The following SMR3A variants were observed in gnomAD, a reference collection of about 807,000 sequenced individuals.
The protein encoded by SMR3A is submaxillary gland androgen regulated protein 3A, also known as submaxillary gland androgen-regulated protein 3A.
For missense variants in SMR3A, 188 were observed against 163.0 expected, an observed-to-expected ratio of 1.15 and a Z score of -0.84; for synonymous variants, 48 against 57.4, an observed-to-expected ratio of 0.84 and a Z score of 0.74.
chr4:70,365,042 C>T (rs934383118), intron 2 of SMR3A, among the ~76,000 whole-genome samples: 6 of 151,952 alleles, frequency 3.9e-5, no homozygotes, highest in Non-Finnish European at 7.4e-5. Flanking sequence ...GAGTTCTTGC[C>T]GTCAGTAGAG....
At chr4:70,365,864 T>A (rs1311476100) in intron 2 of SMR3A, among the ~76,000 whole-genome samples, 1 of 152,054 alleles carries the variant, frequency 6.6e-6, no homozygotes, top group Non-Finnish European at 1.5e-5. Context: ...AAAAGACGTG[T>A]CTTTCCCATG....
At position 70,366,841 on chromosome 4, in the gene SMR3A, T is replaced by C. The variant is rs371160978; in HGVS notation, c.252T>C (p.Tyr84=). The change falls in exon 3 of 3, where the codon TAT becomes TAC. Residue 84 remains tyrosine (Y), a synonymous_variant. Transcript: ENST00000226460. ...GRIPPSPPPP[Y]GPGRIQSHSL... ...TCCCACCATCCCCTCCTCCACCCTA[T>C]GGTCCAGGGAGAATTCAATCACACT... 3 of 1,613,576 alleles carry C rather than the reference T, an allele frequency of 1.9e-6. No homozygotes were observed. The highest frequency in any genetic ancestry group is 1.1e-5 in the South Asian group (1 of 91,050).
At chr4:70,362,622 T>A (rs1732173834) in intron 2 of SMR3A, among the ~76,000 whole-genome samples, 1 of 151,856 alleles carries the variant, frequency 6.6e-6, no homozygotes, top group Non-Finnish European at 1.5e-5. Context: ...GCATGCTAAA[T>A]TTTGAGGAAA....
chr4:70,366,647 G>A lies in SMR3A; in HGVS notation c.58G>A (p.Gly20Ser). 6.2e-7 allele frequency: 1 copy of A among 1,601,592 alleles called. No homozygotes were observed. Among genetic ancestry groups the A allele is most frequent in the Non-Finnish European group, 8.5e-7 (1 of 1,172,962 alleles). The change falls in exon 3 of 3, where the codon GGT becomes AGT. Residue 20 changes from glycine to serine, a missense_variant. Transcript: ENST00000226460. ...ATTTACTTCTTTGTTTCCACAGCCT[G>A]GTGAGAGTCAAAGAGGCCCCAGGGG... is the stretch of plus-strand genomic sequence containing the variant. ...LWALAACFTP[G>S]ESQRGPRGPY...
intron 2 of SMR3A, among the ~76,000 whole-genome samples, chr4:70,365,505 T>C (rs1265623843): frequency 6.6e-6 from 1 of 152,074 alleles, no homozygotes; most frequent in East Asian, 1.9e-4. Context: ...GGTACTTTTA[T>C]GAACATCATT....
chr4:70,365,481 A>G (rs906154976), intron 2 of SMR3A, among the ~76,000 whole-genome samples: 2 of 152,162 alleles, frequency 1.3e-5, no homozygotes, highest in African/African-American at 4.8e-5. Flanking sequence ...ATGTGACAAC[A>G]ACCGCAGGAG....
At chr4:70,362,614 A>G (rs1560522075) in intron 2 of SMR3A, among the ~76,000 whole-genome samples, 1 of 151,910 alleles carries the variant, frequency 6.6e-6, no homozygotes, top group Non-Finnish European at 1.5e-5. Context: ...GAATCTTTGC[A>G]TGCTAAATTT....
intron 2 of SMR3A, among the ~76,000 whole-genome samples, chr4:70,362,982 G>A (rs918410119): frequency 3.3e-5 from 5 of 151,768 alleles, no homozygotes; most frequent in African/African-American, 1.2e-4. Flanking sequence ...TTAAAAACTT[G>A]AATAAAAACA....
rs1469957350 is a variant in SMR3A at position 70,366,715 on chromosome 4, T to C, written c.126T>C (p.Cys42=). Residue 42 remains cysteine (C), a synonymous_variant, in exon 3 of 3, where the codon TGT becomes TGC. Transcript: ENST00000226460. Reference sequence around the variant, plus strand: ...CACTGGCTCCTCCTCCTCCACCATGTTTTCCTTTTGGAACAGGATTTGTTC... The same window carrying C: ...CACTGGCTCCTCCTCCTCCACCATGCTTTCCTTTTGGAACAGGATTTGTTC... The part of the protein sequence containing the change: ...PGPLAPPPPP[C]FPFGTGFVPP... 1 of 1,613,164 alleles carries C rather than the reference T, an allele frequency of 6.2e-7. No homozygotes were observed. The highest frequency in any genetic ancestry group is 1.3e-5 in the African/African-American group (1 of 74,894).
chr4:70,366,693 T>A lies in SMR3A; in HGVS notation c.104T>A (p.Leu35Gln), dbSNP rs750267455. 4 of 1,613,272 alleles carry A rather than the reference T, an allele frequency of 2.5e-6. No homozygotes were observed. The highest frequency in any genetic ancestry group is 1.7e-4 in the Middle Eastern group (1 of 6,054). Residue 35 changes from leucine to glutamine, a missense_variant, in exon 3 of 3, where the codon CTG (leucine) becomes CAG (glutamine). Physicochemically the swap from Leu to Gln is moderately radical, Grantham distance 113. Coordinates refer to ENST00000226460, the MANE Select transcript of SMR3A (RefSeq NM_012390.4). Reference protein sequence around the residue: ...GPRGPYPPGPLAPPPPPCFPF... With the variant: ...GPRGPYPPGPQAPPPPPCFPF... The stretch of plus-strand genomic sequence containing the variant: ...AGGGGACCATATCCACCTGGACCAC[T>A]GGCTCCTCCTCCTCCACCATGTTTT...
At position 70,367,121 on chromosome 4, in the gene SMR3A, C is replaced by T. The variant is rs1440404628; in HGVS notation, c.*127C>T. 7.9e-5 allele frequency: 63 copies of T among 800,652 alleles called. No individual in the cohort carries two copies. Among genetic ancestry groups the T allele is most frequent in the South Asian group, 6.8e-4 (38 of 55,750 alleles). The allele number at this position is 800,652 out of a possible 1,614,324, so 49.6% of individuals were successfully genotyped here. A position where few individuals can be genotyped will look rare whatever the true frequency, so the allele number is the denominator to read the frequency against. Reference sequence around the variant, plus strand: ...AAGAGACTTTTAGATAAAATCACTTCCATTTTTGGATGAGAATAAAGATTT... The same window carrying T: ...AAGAGACTTTTAGATAAAATCACTTTCATTTTTGGATGAGAATAAAGATTT... On this transcript the variant is annotated 3_prime_UTR_variant, in exon 3 of 3. Transcript: ENST00000226460.
chr4:70,364,823 G>A (rs1161006307), intron 2 of SMR3A, among the ~76,000 whole-genome samples: 2 of 151,958 alleles, frequency 1.3e-5, no homozygotes, highest in African/African-American at 2.4e-5. Flanking sequence ...ACTGAAGGAC[G>A]CTAACTTTCT....
chr4:70,362,233 C>A (rs1258634252), intron 2 of SMR3A, 64 bp downstream of exon 2: 3 of 1,607,110 alleles, frequency 1.9e-6, no homozygotes, highest in African/African-American at 1.3e-5. Context: ...CTTCAGATTT[C>A]TTTTTACATT....
In SMR3A at chr4:70,363,740, T is replaced by C. The variant is rs572203072; in HGVS notation, c.54+1571T>C. Among the ~76,000 whole-genome samples the C allele has an allele frequency of 3.9e-5, 6 of 152,172 alleles. No homozygotes were observed. The South Asian group carries it at 6.2e-4, about 16-fold the overall frequency. ...TTTACTATGAAGATTTTTCATTACA[T>C]AATATTTAGATCAACATCGGTATAT... On this transcript the variant is annotated intron_variant, in intron 2 of 2. Transcript: ENST00000226460.
In SMR3A at chr4:70,366,950, G is replaced by C. The variant is rs1732281629; in HGVS notation, c.361G>C (p.Val121Leu). ...PYPPGPPFFP[V>L]NSPTDPALPT... ...TCCACCTGGACCTCCATTTTTCCCT[G>C]TAAATTCTCCAACTGATCCTGCCCT... Residue 121 changes from valine to leucine, a missense_variant, in exon 3 of 3, where the codon GTA becomes CTA. Physicochemically the swap from Val to Leu is conservative, Grantham distance 32. Transcript: ENST00000226460. 1 of 1,613,198 alleles carries C rather than the reference G, an allele frequency of 6.2e-7. No homozygotes were observed. The highest frequency in any genetic ancestry group is 8.5e-7 in the Non-Finnish European group (1 of 1,179,660).
chr4:70,363,647 C>T (rs1732196081), intron 2 of SMR3A, among the ~76,000 whole-genome samples: 1 of 151,872 alleles, frequency 6.6e-6, no homozygotes, highest in South Asian at 2.1e-4. Flanking sequence ...CATCATTTTA[C>T]TTTAGCCAGT....
intron 2 of SMR3A, among the ~76,000 whole-genome samples, chr4:70,365,454 G>A (rs1257070264): frequency 6.6e-6 from 1 of 151,958 alleles, no homozygotes; most frequent in Non-Finnish European, 1.5e-5. Flanking sequence ...CACTTTACAG[G>A]TGATATTTCA....
chr4:70,362,468 A>G (rs1732170596), intron 2 of SMR3A, among the ~76,000 whole-genome samples: 1 of 151,848 alleles, frequency 6.6e-6, no homozygotes. Flanking sequence ...AAAACTCTAT[A>G]AAATGAGATA....
chr4:70,364,632 C>A (rs903759602), intron 2 of SMR3A, among the ~76,000 whole-genome samples: 1 of 151,858 alleles, frequency 6.6e-6, no homozygotes, highest in Admixed American at 6.6e-5. Context: ...AAGTTCGTTT[C>A]TAATTGCCTG....
Sources: allele counts gnomAD v4.1 joint callset (sites outside exome capture counted in the v4.1 genomes callset), GRCh38; gene constraint gnomAD v4.1.1; transcripts MANE v1.5; gene names NCBI Gene and HGNC (gene_info 2026-07-23, HGNC 2026-07-21).